ADGRV1: variants seen among roughly 807,000 people sequenced by gnomAD.
The protein encoded by ADGRV1 is G-protein coupled receptor 98.
A neutral mutation model predicts 596.2 loss-of-function variants in ADGRV1; 359 were observed. The ratio of observed to expected loss-of-function variants is 0.60; its 90% CI spans 0.55 to 0.66. The LOEUF is 0.66. ADGRV1 is among the 30% of genes least tolerant of loss of function. The probability of loss-of-function intolerance (pLI) is 0.00; values close to 1 mark genes in which losing one functional copy is unlikely to be tolerated. For synonymous variants in ADGRV1, 2,681 were observed against 2,679.2 expected (o/e 1.00, Z -0.02); for missense variants, 7,274 against 7,575.6 (o/e 0.96, Z 1.48).
chr5:90,754,935 GACA>G, intron 54 of ADGRV1, 45 bp from the exon 55 acceptor site: 1 of 1,337,470 alleles, frequency 7.5e-7, no homozygotes, highest in Non-Finnish European at 1.1e-6. Flanking sequence ...TAACAGCATT[GACA>G]GCAAATAGAA....
At chr5:91,087,787 A>G (rs1162821782) in intron 86 of ADGRV1, among the ~76,000 whole-genome samples, 1 of 152,230 alleles carries the variant, frequency 6.6e-6, no homozygotes, top group Non-Finnish European at 1.5e-5. Context: ...TTCAATTTAC[A>G]GATGAGGAAA....
intron 59 of ADGRV1, among the ~76,000 whole-genome samples, chr5:90,768,684 T>C (rs1757392394): frequency 6.6e-6 from 1 of 152,170 alleles, no homozygotes; most frequent in African/African-American, 2.4e-5. Flanking sequence ...TCTTTCCTAT[T>C]TCTACTTTAT....
At chr5:91,081,111 G>A (rs1255413659) in intron 86 of ADGRV1, among the ~76,000 whole-genome samples, 1 of 152,088 alleles carries the variant, frequency 6.6e-6, no homozygotes, top group African/African-American at 2.4e-5. Flanking sequence ...AGGTCCTGGC[G>A]AGGCTTGCAT....
rs1426602508 is a variant in ADGRV1 at position 90,753,472 on chromosome 5, T to A, written c.11122-102T>A. The A allele has an allele frequency of 1.3e-5, 10 of 776,856 alleles. No homozygotes were observed. The East Asian group carries it at 2.7e-4, about 21-fold the overall frequency. The allele number at this position is 776,856 out of a possible 1,614,324, so 48.1% of individuals were successfully genotyped here. A position where few individuals can be genotyped will look rare whatever the true frequency, so the allele number is the denominator to read the frequency against. On this transcript the variant is annotated intron_variant, in intron 53 of 89. Coordinates refer to ENST00000405460, the MANE Select transcript of ADGRV1 (RefSeq NM_032119.4). ...TATGTTGCTTAAATATCTCTTGCTA[T>A]TTAAGTTATAGGTTTAATAAAAGAA...
chr5:91,118,506 A>G (rs939684593), intron 87 of ADGRV1, among the ~76,000 whole-genome samples: 2 of 152,176 alleles, frequency 1.3e-5, no homozygotes, highest in African/African-American at 2.4e-5. Context: ...CCGCTGGAGG[A>G]CAGAACCATT....
intron 73 of ADGRV1, 77 bp downstream of exon 73, chr5:90,807,814 C>T: frequency 7.8e-7 from 1 of 1,285,426 alleles, no homozygotes; most frequent in Non-Finnish European, 1.1e-6. Flanking sequence ...CAGAAAAAGG[C>T]ACAAGGGTTA....
chr5:90,606,875 T>A (rs998618495), intron 1 of ADGRV1, among the ~76,000 whole-genome samples: 2 of 152,220 alleles, frequency 1.3e-5, no homozygotes, highest in African/African-American at 4.8e-5. Flanking sequence ...TCTTTCTTAG[T>A]TTACTTGGTT....
At chr5:90,896,388 A>C (rs960678435) in intron 83 of ADGRV1, among the ~76,000 whole-genome samples, 11 of 144,386 alleles carry the variant, frequency 7.6e-5, no homozygotes, top group African/African-American at 2.8e-4. Context: ...CTCCCACCTC[A>C]GCCTCCCAAG....
Position 90,810,900 on chromosome 5 carries a change from G to A in ADGRV1, c.15640G>A (p.Val5214Ile), listed in dbSNP as rs759662630. The A allele has an allele frequency of 1.2e-6, 2 of 1,613,862 alleles. No homozygotes were observed. Among genetic ancestry groups the A allele is most frequent in the Non-Finnish European group, 1.7e-6 (2 of 1,179,898 alleles). Reference sequence around the variant, plus strand: ...TGATGTGGCCACTGTAACTGCCAATGTTTCCATTCATGGAACATTCAGCCT... The same window carrying A: ...TGATGTGGCCACTGTAACTGCCAATATTTCCATTCATGGAACATTCAGCCT... ...KPDVATVTAN[V>I]SIHGTFSLGP... is the part of the protein sequence containing the mutation. The change falls in exon 74 of 90, where the codon GTT becomes ATT. Residue 5214 changes from valine to isoleucine, a missense_variant. Around this residue, in one of 5 missense-constraint regions of ADGRV1, gnomAD observed 1,874 missense variants for 1,970.2 expected, o/e 0.95. Coordinates refer to ENST00000405460, the MANE Select transcript of ADGRV1 (RefSeq NM_032119.4).
At chr5:90,595,502 T>C (rs1366332829) in intron 1 of ADGRV1, among the ~76,000 whole-genome samples, 1 of 77,604 alleles carries the variant, frequency 1.3e-5, no homozygotes, top group Non-Finnish European at 2.7e-5. Flanking sequence ...CACTTCCCAG[T>C]AGGGGCGGCC....
intron 86 of ADGRV1, among the ~76,000 whole-genome samples, chr5:91,075,288 C>G (rs1031883443): frequency 6.6e-6 from 1 of 152,050 alleles, no homozygotes; most frequent in Admixed American, 6.6e-5. Context: ...GTTTTTTCCT[C>G]TAAGTGACAA....
At position 90,803,671 on chromosome 5, in the gene ADGRV1, GTGC is replaced by G. The variant is rs555040661; in HGVS notation, c.14661+791_14661+793del. On this transcript the variant is annotated intron_variant, in intron 71 of 89. Coordinates refer to ENST00000405460, the MANE Select transcript of ADGRV1 (RefSeq NM_032119.4). ...AGCATCTTCTCCAAGGAGAATGAAT[GTGC>G]TTTTTCTCTTAAAATAGAATACACT... 2.6e-3 allele frequency among the ~76,000 whole-genome samples: 399 copies of G among 152,190 alleles called. 3 individuals carry two copies. The highest frequency in any genetic ancestry group is 4.6e-3 in the Non-Finnish European group (310 of 67,998).
intron 82 of ADGRV1, among the ~76,000 whole-genome samples, chr5:90,861,388 C>A (rs1469122774): frequency 6.6e-6 from 1 of 151,958 alleles, no homozygotes; most frequent in Non-Finnish European, 1.5e-5. Context: ...TGGCTCACTG[C>A]AACCTCCGCC....
intron 21 of ADGRV1, among the ~76,000 whole-genome samples, chr5:90,671,378 C>T (rs1245642721): frequency 6.6e-6 from 1 of 152,178 alleles, no homozygotes; most frequent in Non-Finnish European, 1.5e-5. Context: ...CCCCACTGAC[C>T]TATCACCTGG....
At position 90,788,227 on chromosome 5, in the gene ADGRV1, G is replaced by A. The variant is rs1203935602; in HGVS notation, c.13810G>A (p.Val4604Ile). 3 of 1,613,428 alleles carry A rather than the reference G, an allele frequency of 1.9e-6. No homozygotes were observed. Among genetic ancestry groups the A allele is most frequent in the Non-Finnish European group, 2.5e-6 (3 of 1,179,438 alleles). Residue 4604 changes from valine (V) to isoleucine (I), a missense_variant, in exon 68 of 90, where the codon GTT (valine) becomes ATT (isoleucine). Val to Ile is a conservative substitution (Grantham distance 29). Transcript: ENST00000405460. ...AATCTATCCTCATGAAGAAATTGAAGTTGAAGAGACATTCATTATTAAACT... is the reference window on the plus strand; with the variant it reads ...AATCTATCCTCATGAAGAAATTGAAATTGAAGAGACATTCATTATTAAACT... ...LTIYPHEEIE[V>I]EETFIIKLHL...
chr5:90,898,631 C>T (rs1000449766), intron 83 of ADGRV1, among the ~76,000 whole-genome samples: 1 of 152,114 alleles, frequency 6.6e-6, no homozygotes, highest in Non-Finnish European at 1.5e-5. Flanking sequence ...GATTTTCAAG[C>T]ATGCTTGAAT....
chr5:90,900,031 A>G (rs1325541112), intron 83 of ADGRV1, among the ~76,000 whole-genome samples: 1 of 152,200 alleles, frequency 6.6e-6, no homozygotes, highest in African/African-American at 2.4e-5. Flanking sequence ...TCATTTAGTC[A>G]TTACTTTTTC....
chr5:90,897,404 A>C, intron 83 of ADGRV1, among the ~76,000 whole-genome samples: 1 of 152,150 alleles, frequency 6.6e-6, no homozygotes, highest in East Asian at 1.9e-4. Context: ...TGAATAATAT[A>C]GTGTTAATTA....
intron 84 of ADGRV1, among the ~76,000 whole-genome samples, chr5:90,972,891 C>T (rs1428007097): frequency 6.6e-6 from 1 of 151,852 alleles, no homozygotes; most frequent in Non-Finnish European, 1.5e-5. Flanking sequence ...AAAAACCCTA[C>T]AAAAAATCAA....
Sources: allele counts gnomAD v4.1 joint callset (sites outside exome capture counted in the v4.1 genomes callset), GRCh38; gene constraint gnomAD v4.1.1; regional missense constraint gnomAD v4.1.1; transcripts MANE v1.5; gene names NCBI Gene and HGNC (gene_info 2026-07-23, HGNC 2026-07-21).